SELP: variants seen among roughly 807,000 people sequenced by gnomAD.
SELP encodes selectin P.
Under a neutral mutation model 104.1 loss-of-function variants are expected in SELP, and 92 were observed. The ratio of observed to expected loss-of-function variants is 0.88; its 90% CI spans 0.75 to 1.05. The LOEUF (loss-of-function observed/expected upper bound fraction) is 1.05. Among genes scored for constraint, SELP ranks in the 50% least tolerant of loss-of-function variants. The pLI is 0.00. For synonymous variants in SELP, 397 were observed against 364.5 expected (o/e 1.09, Z -1.01); for missense variants, 1,022 against 1,017.3 (o/e 1.00, Z -0.06).
At chr1:169,628,660 G>A (rs967900133) in intron 1 of SELP, among the ~76,000 whole-genome samples, 1 of 152,172 alleles carries the variant, frequency 6.6e-6, no homozygotes, top group Non-Finnish European at 1.5e-5. Context: ...ATCTGGGAAA[G>A]ACAAGTTGTA....
chr1:169,617,467 C>A lies in SELP; in HGVS notation c.95-53G>T, dbSNP rs543788490. On this transcript the variant is annotated intron_variant, in intron 2 of 16. Coordinates refer to ENST00000263686, the MANE Select transcript of SELP (RefSeq NM_003005.4). ...TTAGTACCCCTCACCAAAAAAGAGG[C>A]CGTGATCCCAAGTATGCTTCTGCAT... 1.7e-5 allele frequency: 27 copies of A among 1,562,348 alleles called. No homozygotes were observed. The African/African-American group carries it at 3.5e-4, about 21-fold the overall frequency.
intron 1 of SELP, among the ~76,000 whole-genome samples, chr1:169,619,955 C>G (rs1306267697): frequency 6.6e-6 from 1 of 152,046 alleles, no homozygotes; most frequent in Non-Finnish European, 1.5e-5. Context: ...GTAATCCCAG[C>G]ACTTTGGGAG....
At chr1:169,615,902 T>A (rs1163458242) in intron 3 of SELP, among the ~76,000 whole-genome samples, 1 of 152,154 alleles carries the variant, frequency 6.6e-6, no homozygotes, top group African/African-American at 2.4e-5. Flanking sequence ...GAATTCAGAA[T>A]ATGTATGGCA....
chr1:169,591,412 C>A lies in SELP; in HGVS notation c.2438+14G>T. The stretch of plus-strand genomic sequence containing the variant: ...TAGCAAAATTTACTCAATCATAAAA[C>A]ATTTCTACCTTACCTGTGAGGATTC... On this transcript the variant is annotated intron_variant, in intron 15 of 16. Transcript: ENST00000263686. 6.4e-7 allele frequency: 1 copy of A among 1,567,840 alleles called. No homozygotes were observed. Among genetic ancestry groups the A allele is most frequent in the Non-Finnish European group, 8.7e-7 (1 of 1,152,428 alleles).
chr1:169,612,467 C>T, intron 5 of SELP, 65 bp from the exon 6 acceptor site: 1 of 1,514,256 alleles, frequency 6.6e-7, no homozygotes, highest in Non-Finnish European at 9.1e-7. Flanking sequence ...CCTTGGAAGC[C>T]TTCAAATTCT....
chr1:169,591,925 A>G (rs1369154319), intron 14 of SELP, among the ~76,000 whole-genome samples: 2 of 152,194 alleles, frequency 1.3e-5, no homozygotes, highest in African/African-American at 4.8e-5. Flanking sequence ...CTAAAATCAA[A>G]TTGGGAGAAG....
At position 169,609,704 on chromosome 1, in the gene SELP, T is replaced by A; in HGVS notation, c.1148-15A>T. 6.2e-7 allele frequency: 1 copy of A among 1,601,292 alleles called. No individual in the cohort carries two copies. Among genetic ancestry groups the A allele is most frequent in the Non-Finnish European group, 8.5e-7 (1 of 1,173,514 alleles). On this transcript the variant is annotated splice_polypyrimidine_tract_variant and intron_variant, in intron 7 of 16. Transcript: ENST00000263686. ...ACACGAAATAGCTAAGTGGAAAAGG[T>A]ATCTTCTAAAGCCAGGTAATGGAAG...
At chr1:169,608,983 TA>T (rs1662348155) in intron 8 of SELP, among the ~76,000 whole-genome samples, 1 of 152,204 alleles carries the variant, frequency 6.6e-6, no homozygotes, top group African/African-American at 2.4e-5. Flanking sequence ...ATGTGATTTA[TA>T]AGGTAACATG....
chr1:169,606,180 A>G (rs969301184), intron 9 of SELP, among the ~76,000 whole-genome samples: 80 of 152,308 alleles, frequency 5.3e-4, no homozygotes, highest in Middle Eastern at 6.8e-3. Context: ...AGCTGGGTGC[A>G]GTGGTGGGCA....
chr1:169,629,065 C>T (rs545566154), intron 1 of SELP, among the ~76,000 whole-genome samples: 1 of 152,326 alleles, frequency 6.6e-6, no homozygotes, highest in Non-Finnish European at 1.5e-5. Context: ...TCCATAGCCA[C>T]AGACTGCAGG....
chr1:169,590,321 G>T, intron 15 of SELP, 119 bp from the exon 16 acceptor site: 1 of 720,814 alleles, frequency 1.4e-6, no homozygotes, highest in African/African-American at 1.8e-5. Context: ...TTCTGCTTTA[G>T]AAAGGAAAGA....
At chr1:169,601,053 C>T (rs1490674839) in intron 10 of SELP, among the ~76,000 whole-genome samples, 2 of 152,090 alleles carry the variant, frequency 1.3e-5, no homozygotes, top group South Asian at 2.1e-4. Context: ...ATGTTGGTTG[C>T]CTACATGATT....
rs1323480853 is a variant in SELP, at chr1:169,607,038, G to A, written c.1430C>T (p.Thr477Ile). Residue 477 changes from threonine (T) to isoleucine (I), a missense_variant, in exon 9 of 17, where the codon ACC becomes ATC. By Grantham distance (89) the Thr-to-Ile change is moderately conservative. Transcript: ENST00000263686. ...AFRYQSVCSF[T>I]CNEGLLLVGA... Reference sequence around the variant, plus strand: ...CACCAGGAGCAAGCCTTCATTGCAGGTGAAGCTGCAGACTGACTGGTACCT... The same window carrying A: ...CACCAGGAGCAAGCCTTCATTGCAGATGAAGCTGCAGACTGACTGGTACCT... 1 of 1,613,724 alleles carries A rather than the reference G, an allele frequency of 6.2e-7. No homozygotes were observed. Among genetic ancestry groups the A allele is most frequent in the Middle Eastern group, 1.7e-4 (1 of 6,056 alleles).
rs1313265880 is a variant in SELP at position 169,595,972 on chromosome 1, C to T, written c.2054G>A (p.Ser685Asn). ...TGTCCATTGTCCTGAAGGTCTGCAG[C>T]TGAGAGTGCTGTCTCCTATGAGTGT... ...GFTLIGDSTL[S>N]CRPSGQWTAV... Residue 685 changes from serine (S) to asparagine (N), a missense_variant, in exon 12 of 17, where the codon AGC becomes AAC. Ser to Asn is a conservative substitution (Grantham distance 46, BLOSUM62 1). Transcript: ENST00000263686. 1 of 1,613,862 alleles carries T rather than the reference C, an allele frequency of 6.2e-7. No homozygotes were observed. Among genetic ancestry groups the T allele is most frequent in the South Asian group, 1.1e-5 (1 of 91,076 alleles).
intron 13 of SELP, among the ~76,000 whole-genome samples, chr1:169,594,347 A>T (rs1661491454): frequency 6.6e-6 from 1 of 152,190 alleles, no homozygotes; most frequent in African/African-American, 2.4e-5. Context: ...TGGTAAGCAA[A>T]GGTCTTCTGA....
intron 7 of SELP, among the ~76,000 whole-genome samples, chr1:169,610,456 T>A (rs1645264746): frequency 6.6e-6 from 1 of 152,182 alleles, no homozygotes; most frequent in Non-Finnish European, 1.5e-5. Context: ...ACTACCTCTT[T>A]GCTCTGGGCT....
intron 2 of SELP, among the ~76,000 whole-genome samples, chr1:169,618,190 C>A (rs1571670171): frequency 6.6e-6 from 1 of 152,182 alleles, no homozygotes; most frequent in East Asian, 1.9e-4. Context: ...ACTTAATAGG[C>A]CTTCAATAAA....
intron 1 of SELP, among the ~76,000 whole-genome samples, chr1:169,623,277 T>C (rs1663223989): frequency 6.6e-6 from 1 of 152,178 alleles, no homozygotes; most frequent in Non-Finnish European, 1.5e-5. Context: ...GAACAGAGTA[T>C]TTCTAGGGAT....
At chr1:169,598,125 T>C (rs959733611) in intron 10 of SELP, among the ~76,000 whole-genome samples, 1 of 152,212 alleles carries the variant, frequency 6.6e-6, no homozygotes, top group African/African-American at 2.4e-5. Context: ...TAAATGAATT[T>C]AAATTTTAAT....
Sources: allele counts gnomAD v4.1 joint callset (sites outside exome capture counted in the v4.1 genomes callset), GRCh38; gene constraint gnomAD v4.1.1; transcripts MANE v1.5; gene names NCBI Gene and HGNC (gene_info 2026-07-23, HGNC 2026-07-21).